The following UBA6 variants were observed in gnomAD, a reference collection of about 807,000 sequenced individuals.
UBA6 encodes ubiquitin like modifier activating enzyme 6, also known as ubiquitin-like modifier-activating enzyme 6.
A neutral mutation model predicts 148.3 loss-of-function variants in UBA6; 87 were observed. The observed-to-expected ratio is 0.59, with a 90% CI of 0.49 to 0.70. The LOEUF is 0.70. UBA6 is among the 30% of genes least tolerant of loss of function. The pLI is 0.00. For missense variants in UBA6, 1,186 were observed against 1,241.2 expected, an observed-to-expected ratio of 0.96 and a Z score of 0.67; for synonymous variants, 376 against 401.0, an observed-to-expected ratio of 0.94 and a Z score of 0.75.
intron 15 of UBA6, 21 bp from the exon 16 acceptor site, chr4:67,646,037 C>G: frequency 7.1e-7 from 1 of 1,405,742 alleles, no homozygotes; most frequent in Non-Finnish European, 9.7e-7. Context: ...TAACATATAC[C>G]AAAAAGCAGA....
chr4:67,628,858 G>A (rs993778576), intron 27 of UBA6, among the ~76,000 whole-genome samples: 3 of 151,792 alleles, frequency 2.0e-5, no homozygotes, highest in African/African-American at 7.3e-5. Context: ...TACAATCTAA[G>A]TCTATACTGA....
At chr4:67,675,909 T>C (rs1213715195) in intron 6 of UBA6, among the ~76,000 whole-genome samples, 1 of 152,192 alleles carries the variant, frequency 6.6e-6, no homozygotes, top group African/African-American at 2.4e-5. Flanking sequence ...AGGGACTTTA[T>C]ATACTGGAAT....
intron 2 of UBA6, among the ~76,000 whole-genome samples, chr4:67,692,532 C>T (rs1181470575): frequency 6.6e-6 from 1 of 152,164 alleles, no homozygotes; most frequent in African/African-American, 2.4e-5. Flanking sequence ...GGCTACATAA[C>T]AAGCAGGCCT....
At position 67,624,228 on chromosome 4, in the gene UBA6, G is replaced by A; in HGVS notation, c.2738C>T (p.Thr913Ile). 6.2e-7 allele frequency: 1 copy of A among 1,609,460 alleles called. No homozygotes were observed. The highest frequency in any genetic ancestry group is 8.5e-7 in the Non-Finnish European group (1 of 1,178,022). Residue 913 changes from threonine to isoleucine, a missense_variant, in exon 30 of 33, where the codon ACT becomes ATT. Physicochemically the swap from Thr to Ile is moderately conservative, Grantham distance 89. Coordinates refer to ENST00000322244, the MANE Select transcript of UBA6 (RefSeq NM_018227.6). Reference protein sequence around the residue: ...GLVALEMIKVTGGYPFEAYKN... With the variant: ...GLVALEMIKVIGGYPFEAYKN... ...GTAAGCTTCAAATGGATAGCCACCA[G>A]TTACTTTGATCATCTCCAAGGCAAC...
At chr4:67,655,443 G>A (rs1177337442) in intron 13 of UBA6, among the ~76,000 whole-genome samples, 2 of 152,008 alleles carry the variant, frequency 1.3e-5, no homozygotes, top group Admixed American at 1.3e-4. Flanking sequence ...ATGACTACTG[G>A]GTAAATAATG....
chr4:67,700,925 G>A lies in UBA6; in HGVS notation c.71+124C>T. The A allele has an allele frequency of 2.5e-6, 3 of 1,222,216 alleles. No homozygotes were observed. In the South Asian group the frequency reaches 3.8e-5, roughly 16 times the overall value. 75.7% of individuals were successfully genotyped at this position (1,222,216 alleles called of 1,614,324 possible). A position where few individuals can be genotyped will look rare whatever the true frequency, so the allele number is the denominator to read the frequency against. Reference sequence around the variant, plus strand: ...CTCCGCGCGCGCCCCTCGCCTCCCAGGGCCGGCTCTGCTCGGCCCCGCGGC... The same window carrying A: ...CTCCGCGCGCGCCCCTCGCCTCCCAAGGCCGGCTCTGCTCGGCCCCGCGGC... On this transcript the variant is annotated intron_variant, in intron 1 of 32. Transcript: ENST00000322244.
chr4:67,681,093 G>A (rs1018923765), intron 4 of UBA6, among the ~76,000 whole-genome samples: 1 of 152,140 alleles, frequency 6.6e-6, no homozygotes, highest in Non-Finnish European at 1.5e-5. Context: ...CAGAAACTAT[G>A]AGACAACAAA....
intron 17 of UBA6, 58 bp from the exon 18 acceptor site, chr4:67,641,286 C>CT: frequency 9.1e-7 from 1 of 1,101,108 alleles, no homozygotes; most frequent in Non-Finnish European, 1.3e-6. Context: ...ATCTATTTTT[C>CT]TTTTCTCAGT....
Position 67,624,296 on chromosome 4 carries a change from C to G in UBA6, c.2713-43G>C, listed in dbSNP as rs771328434. 4 of 1,542,866 alleles carry G rather than the reference C, an allele frequency of 2.6e-6. No individual in the cohort carries two copies. In the South Asian group the frequency reaches 3.8e-5, roughly 15 times the overall value. On this transcript the variant is annotated intron_variant, in intron 29 of 32. Transcript: ENST00000322244. ...ATCTGATAATATAAACAGCCTAAAA[C>G]TATCCGTGATTTTAATTGCATCTAT...
intron 6 of UBA6, among the ~76,000 whole-genome samples, chr4:67,677,304 C>T (rs1215384734): frequency 6.6e-6 from 1 of 152,100 alleles, no homozygotes; most frequent in Non-Finnish European, 1.5e-5. Context: ...AGCCTAGAAA[C>T]CCCAACTGAC....
intron 1 of UBA6, among the ~76,000 whole-genome samples, chr4:67,698,302 T>C (rs1730887994): frequency 1.3e-5 from 2 of 152,198 alleles, no homozygotes; most frequent in Non-Finnish European, 2.9e-5. Flanking sequence ...CCGTTAACTG[T>C]CTGCCACTAC....
In UBA6 at chr4:67,677,586, AT is replaced by A. The variant is rs748972442; in HGVS notation, c.465+24del. On this transcript the variant is annotated intron_variant, in intron 6 of 32. Coordinates refer to ENST00000322244, the MANE Select transcript of UBA6 (RefSeq NM_018227.6). ...TTTTGCCCTGGAACCTGTCAATAAC[AT>A]TTAATACAAAATGGAGTACTAACCT... 5.7e-6 allele frequency: 7 copies of A among 1,227,904 alleles called. No homozygotes were observed. In the South Asian group the frequency reaches 9.2e-5, roughly 16 times the overall value. The allele number at this position is 1,227,904 out of a possible 1,614,324, so 76.1% of individuals were successfully genotyped here. A position where few individuals can be genotyped will look rare whatever the true frequency, so the allele number is the denominator to read the frequency against.
At chr4:67,639,636 G>A (rs1364811616) in intron 18 of UBA6, among the ~76,000 whole-genome samples, 2 of 152,096 alleles carry the variant, frequency 1.3e-5, no homozygotes, top group African/African-American at 2.4e-5. Flanking sequence ...AAACAGTCCA[G>A]TAGTTCCTCA....
chr4:67,635,175 T>C (rs565537559), intron 20 of UBA6, among the ~76,000 whole-genome samples: 4 of 152,240 alleles, frequency 2.6e-5, no homozygotes, highest in East Asian at 3.9e-4. Flanking sequence ...TAGTTTGTTC[T>C]TATCAAACAA....
At chr4:67,627,862 GAA>G (rs1160439348) in intron 27 of UBA6, among the ~76,000 whole-genome samples, 2 of 145,654 alleles carry the variant, frequency 1.4e-5, no homozygotes, top group Non-Finnish European at 3.0e-5. Flanking sequence ...ATGTAAAAAA[GAA>G]AAAAAAGTTT....
chr4:67,685,728 G>A (rs1730541332), intron 2 of UBA6, among the ~76,000 whole-genome samples: 1 of 152,090 alleles, frequency 6.6e-6, no homozygotes, highest in Admixed American at 6.6e-5. Flanking sequence ...TGTAGGAGTG[G>A]TTTCATTATT....
chr4:67,649,422 A>G (rs1466775974), intron 13 of UBA6, among the ~76,000 whole-genome samples: 1 of 152,126 alleles, frequency 6.6e-6, no homozygotes, highest in East Asian at 1.9e-4. Context: ...GTATCTGCCC[A>G]TTTTTGTCTT....
At chr4:67,675,961 T>C (rs2109944866) in intron 6 of UBA6, among the ~76,000 whole-genome samples, 1 of 152,220 alleles carries the variant, frequency 6.6e-6, no homozygotes, top group East Asian at 1.9e-4. Flanking sequence ...TAGATTTGTT[T>C]AATTTTGTTT....
At chr4:67,656,800 A>G (rs996128280) in intron 13 of UBA6, among the ~76,000 whole-genome samples, 2 of 152,206 alleles carry the variant, frequency 1.3e-5, no homozygotes, top group African/African-American at 4.8e-5. Flanking sequence ...TCAGCCCAAA[A>G]TCTCCTTAAG....
Sources: allele counts gnomAD v4.1 joint callset (sites outside exome capture counted in the v4.1 genomes callset), GRCh38; gene constraint gnomAD v4.1.1; transcripts MANE v1.5; gene names NCBI Gene and HGNC (gene_info 2026-07-23, HGNC 2026-07-21).